PAK1: variants seen among roughly 807,000 people sequenced by gnomAD.
PAK1 encodes serine/threonine-protein kinase PAK 1.
PAK1 carries 29 observed loss-of-function variants against 67.4 expected under a neutral mutation model. The ratio of observed to expected loss-of-function variants is 0.43; its 90% CI spans 0.32 to 0.59. The LOEUF is 0.59. Ranked by LOEUF, PAK1 falls within the 20% of genes least tolerant of loss-of-function variation. The pLI is 0.07. For synonymous variants in PAK1, 223 were observed against 237.4 expected (o/e 0.94, Z 0.56); for missense variants, 337 against 670.7 (o/e 0.50, Z 5.50).
At chr11:77,464,097 T>A (rs941666026) in intron 1 of PAK1, among the ~76,000 whole-genome samples, 1 of 152,236 alleles carries the variant, frequency 6.6e-6, no homozygotes, top group African/African-American at 2.4e-5. Flanking sequence ...AACTCTGGTA[T>A]GTATTTTATT....
chr11:77,337,459 G>A, intron 11 of PAK1, 36 bp from the exon 12 acceptor site: 2 of 1,090,942 alleles, frequency 1.8e-6, no homozygotes, highest in Non-Finnish European at 2.8e-6. Context: ...AGAAAGAAAG[G>A]ACATACATAT....
chr11:77,332,806 G>T lies in PAK1; in HGVS notation c.1475C>A (p.Ala492Asp). 6.2e-7 allele frequency: 1 copy of T among 1,613,192 alleles called. No homozygotes were observed. The change falls in exon 14 of 15, where the codon GCT (alanine) becomes GAT (aspartate). Residue 492 changes from alanine to aspartate, a missense_variant. Coordinates refer to ENST00000356341, the MANE Select transcript of PAK1 (RefSeq NM_002576.5). ...PELQNPEKLS[A>D]IFRDFLNRCL... ...GCGGTTCAGAAAGTCCCGGAAGATAGCTGACAGCTTCTCTGGGTTCTGAAG... is the reference window on the plus strand; with the variant it reads ...GCGGTTCAGAAAGTCCCGGAAGATATCTGACAGCTTCTCTGGGTTCTGAAG...
the PAK1 span, among the ~76,000 whole-genome samples, chr11:77,498,268 G>A: frequency 1.3e-5 from 2 of 152,100 alleles, no homozygotes; most frequent in Non-Finnish European, 2.9e-5. Flanking sequence ...CTGAACTATC[G>A]TTCTATGCTT....
Position 77,379,906 on chromosome 11 carries a change from T to C in PAK1, c.279A>G (p.Thr93=), listed in dbSNP as rs200999415. ...ACCCAGGACTTACCGTAAACTCCCC[T>C]GTGACAGCATCAAAACCGACATGAA... ...HTIHVGFDAV[T]GEFTGMPEQW... The change falls in exon 3 of 15, where the codon ACA becomes ACG. Residue 93 remains threonine, a synonymous_variant. Transcript: ENST00000356341. 2.5e-5 allele frequency: 40 copies of C among 1,612,990 alleles called. No homozygotes were observed. The East Asian group carries it at 8.2e-4, about 33-fold the overall frequency.
intron 1 of PAK1, among the ~76,000 whole-genome samples, chr11:77,460,584 TTTTCC>T (rs1957300838): frequency 6.6e-6 from 1 of 151,918 alleles, no homozygotes; most frequent in Non-Finnish European, 1.5e-5. Context: ...AGGAAAATTA[TTTTCC>T]TTTAAGTAGA....
rs555830822 is a variant in PAK1 at position 77,332,055 on chromosome 11, C to T, written c.1551+675G>A. On this transcript the variant is annotated intron_variant, in intron 14 of 14. Coordinates refer to ENST00000356341, the MANE Select transcript of PAK1 (RefSeq NM_002576.5). ...TGGTGGCCCATGCCTGTAGTCCCAG[C>T]ACTTTGGGAAAGCGAAGTGCGCAGA... Among the ~76,000 whole-genome samples, 44 of 151,890 alleles carry T rather than the reference C, an allele frequency of 2.9e-4. 1 individual carries two copies. In the South Asian group the frequency reaches 8.1e-3, roughly 28 times the overall value.
intron 6 of PAK1, among the ~76,000 whole-genome samples, chr11:77,356,894 T>C (rs1231722418): frequency 6.6e-6 from 1 of 152,176 alleles, no homozygotes; most frequent in Non-Finnish European, 1.5e-5. Flanking sequence ...TAAATTATAC[T>C]TCCTTTCCCC....
the PAK1 span, among the ~76,000 whole-genome samples, chr11:77,490,290 G>GCCCCC: frequency 7.4e-5 from 6 of 80,626 alleles, no homozygotes; most frequent in South Asian, 4.9e-4. Flanking sequence ...GTGGGGGTCA[G>GCCCCC]CCCCCCCACC....
chr11:77,496,791 G>A, the PAK1 span, among the ~76,000 whole-genome samples: 1 of 151,892 alleles, frequency 6.6e-6, no homozygotes, highest in African/African-American at 2.4e-5. Flanking sequence ...AAATTAGCCT[G>A]GCGTGATGGT....
intron 14 of PAK1, among the ~76,000 whole-genome samples, chr11:77,326,392 C>T (rs1172603664): frequency 6.6e-6 from 1 of 152,170 alleles, no homozygotes; most frequent in Admixed American, 6.6e-5. Flanking sequence ...CACTAATTAT[C>T]TTCTAAACTT....
At chr11:77,369,652 T>G (rs111802770) in intron 5 of PAK1, among the ~76,000 whole-genome samples, 16 of 151,890 alleles carry the variant, frequency 1.1e-4, no homozygotes, top group African/African-American at 3.6e-4. Context: ...TTCACCATGT[T>G]GGCCAGGCTG....
At position 77,429,083 on chromosome 11, in the gene PAK1, A is replaced by C. The variant is rs541701456; in HGVS notation, c.-21-36542T>G. Among the ~76,000 whole-genome samples, 487 of 90,682 alleles carry C rather than the reference A, an allele frequency of 5.4e-3. 10 individuals are homozygous for C. Among genetic ancestry groups the C allele is most frequent in the Middle Eastern group, 0.017 (3 of 176 alleles). The allele number at this position is 90,682 out of a possible 152,430, so 59.5% of individuals were successfully genotyped here. ...AAAAAAAAAAAAAAAAAAAAAAAAA[A>C]AAAAAAAAAAACACACACACACACA... On this transcript the variant is annotated intron_variant, in intron 1 of 14. Transcript: ENST00000356341.
intron 1 of PAK1, among the ~76,000 whole-genome samples, chr11:77,435,414 A>G (rs1209331904): frequency 6.6e-6 from 1 of 152,202 alleles, no homozygotes; most frequent in African/African-American, 2.4e-5. Context: ...CTGCCTTCGC[A>G]AGGTGGCTGG....
At chr11:77,433,318 AAAG>A (rs763540987) in intron 1 of PAK1, among the ~76,000 whole-genome samples, 12 of 152,338 alleles carry the variant, frequency 7.9e-5, no homozygotes, top group South Asian at 4.1e-4. Context: ...GCAAACAACA[AAAG>A]AAGAACTAAA....
intron 1 of PAK1, among the ~76,000 whole-genome samples, chr11:77,446,370 G>A (rs2138505727): frequency 6.6e-6 from 1 of 152,148 alleles, no homozygotes; most frequent in South Asian, 2.1e-4. Context: ...AAATTAGCCA[G>A]GCATGCTGGT....
chr11:77,472,368 G>A (rs1001419344), intron 1 of PAK1, among the ~76,000 whole-genome samples: 1 of 152,206 alleles, frequency 6.6e-6, no homozygotes, highest in African/African-American at 2.4e-5. Context: ...CCAAAATGTT[G>A]TAAGTGCTGT....
intron 8 of PAK1, among the ~76,000 whole-genome samples, chr11:77,349,805 G>C (rs1008632933): frequency 1.3e-5 from 2 of 151,880 alleles, no homozygotes; most frequent in Admixed American, 1.3e-4. Flanking sequence ...TTTTCAACTG[G>C]GGGGGTGACA....
chr11:77,330,495 T>C (rs976895091), intron 14 of PAK1, among the ~76,000 whole-genome samples: 84 of 152,282 alleles, frequency 5.5e-4, no homozygotes, highest in Non-Finnish European at 5.9e-4. Context: ...TCTACAACTA[T>C]CTGATCTTTG....
At chr11:77,426,812 T>A (rs1381854820) in intron 1 of PAK1, among the ~76,000 whole-genome samples, 9 of 139,878 alleles carry the variant, frequency 6.4e-5, no homozygotes, top group African/African-American at 1.1e-4. Context: ...ACTGAAAACC[T>A]GACAGGAAAA....
Sources: gnomAD v4.1 joint callset for allele counts (sites outside exome capture counted in the v4.1 genomes callset) on GRCh38, gnomAD v4.1.1 for gene constraint, MANE v1.5 for transcripts, NCBI Gene and HGNC (gene_info 2026-07-23, HGNC 2026-07-21) for gene names.